Variants in TTN observed in about 807,000 individuals in gnomAD.
The protein encoded by TTN is connectin.
TTN carries 1,525 observed loss-of-function variants against 3,223.0 expected under a neutral mutation model. The observed-to-expected ratio is 0.47, with a 90% confidence interval of 0.45 to 0.49. TTN has a LOEUF of 0.49. TTN is among the 20% of genes least tolerant of loss of function. TTN has a pLI of 0.00. For missense variants in TTN, 40,786 were observed against 43,424.0 expected, an observed-to-expected ratio of 0.94 and a Z score of 5.40; for synonymous variants, 14,094 against 15,161.0, an observed-to-expected ratio of 0.93 and a Z score of 5.17.
At position 178,698,882 on chromosome 2, in the gene TTN, T is replaced by C. The variant is rs375398345; in HGVS notation, c.30715A>G (p.Lys10239Glu). 8 of 1,539,598 alleles carry C rather than the reference T, an allele frequency of 5.2e-6. No homozygotes were observed. The South Asian group carries it at 8.7e-5, about 17-fold the overall frequency. The change falls in exon 112 of 363, where the codon AAA becomes GAA. Residue 10239 changes from lysine (K) to glutamate (E), a missense_variant. Lys to Glu is a moderately conservative substitution (Grantham distance 56). Transcript: ENST00000589042. ...TKKAVKKDAK[K>E]VVAKPKEMTP... ...ATCTCTTTGGGCTTTGCAACAACTT[T>C]TTTGGCATCTTTCTTCACAGCCTTT...
rs1435352674 is a variant in TTN at position 178,575,774 on chromosome 2, G to A, written c.70358C>T (p.Thr23453Ile). The change falls in exon 326 of 363, where the codon ACC (threonine) becomes ATC (isoleucine). Residue 23453 changes from threonine to isoleucine, a missense_variant. Transcript: ENST00000589042. The surrounding 1 kb of genome is among the most constrained non-coding windows in gnomAD (Gnocchi z 4.0). The stretch of plus-strand genomic sequence containing the variant: ...TATCAGAGGGAGGTCCCAGTGCAGG[G>A]TGACACTGTCCTTTGTGATGTCTGT... ...RPTDITKDSV[T>I]LHWDLPLIDG... 6.2e-7 allele frequency: 1 copy of A among 1,613,404 alleles called. No homozygotes were observed. The highest frequency in any genetic ancestry group is 2.2e-5 in the East Asian group (1 of 44,802).
Position 178,800,622 on chromosome 2 carries a change from C to G in TTN, c.356G>C (p.Ser119Thr), listed in dbSNP as rs371981798. The G allele has an allele frequency of 2.5e-6, 4 of 1,612,460 alleles. No individual in the cohort carries two copies. Among genetic ancestry groups the G allele is most frequent in the African/African-American group, 2.7e-5 (2 of 74,900 alleles). ...CACTCTCACTTGGAGTCTCACTTGGCTTCCTTGTCTCACGGTCATGCTCTG... is the reference window on the plus strand; with the variant it reads ...CACTCTCACTTGGAGTCTCACTTGGGTTCCTTGTCTCACGGTCATGCTCTG... ...RLQSMTVRQG[S>T]QVRLQVRVTG... Residue 119 changes from serine to threonine, a missense_variant, in exon 4 of 363, where the codon AGC becomes ACC. Ser to Thr is a moderately conservative substitution (Grantham distance 58, BLOSUM62 1). Transcript: ENST00000589042.
In TTN at chr2:178,599,337, T is replaced by C. The variant is rs201337786; in HGVS notation, c.56456A>G (p.Asn18819Ser). Residue 18819 changes from asparagine (N) to serine (S), a missense_variant, in exon 290 of 363, where the codon AAC becomes AGC. Asn to Ser is a conservative substitution (Grantham distance 46, BLOSUM62 1). Transcript: ENST00000589042. ...PKDDGGSKIT[N>S]YVIEKREANR... The stretch of plus-strand genomic sequence containing the variant: ...AGCTTCTCTTTTCTCAATTACATAG[T>C]TTGTAATCTTAGACCCACCATCATC... 2.7e-5 allele frequency: 43 copies of C among 1,609,502 alleles called. No individual in the cohort carries two copies. The African/African-American group carries it at 4.7e-4, about 18-fold the overall frequency.
intron 13 of TTN, among the ~76,000 whole-genome samples, chr2:178,788,120 G>A (rs1320178001): frequency 2.6e-5 from 4 of 152,092 alleles, no homozygotes; most frequent in Non-Finnish European, 5.9e-5. Flanking sequence ...CGGATGAAAA[G>A]TTATGAGAGT....
At position 178,741,402 on chromosome 2, in the gene TTN, A is replaced by G; in HGVS notation, c.11831T>C (p.Leu3944Ser). The G allele has an allele frequency of 1.2e-6, 2 of 1,613,882 alleles. No homozygotes were observed. The highest frequency in any genetic ancestry group is 1.7e-6 in the Non-Finnish European group (2 of 1,179,824). ...GPCPPHFLKE[L>S]KPIRCAQGLP... ...CCCTTGAGCACAGCGAATTGGTTTTAACTCCTTAAGGAAGTGAGGAGGACA... is the reference window on the plus strand; with the variant it reads ...CCCTTGAGCACAGCGAATTGGTTTTGACTCCTTAAGGAAGTGAGGAGGACA... The change falls in exon 48 of 363, where the codon TTA (leucine) becomes TCA (serine). Residue 3944 changes from leucine to serine, a missense_variant. Leu to Ser is a moderately radical substitution (Grantham distance 145). Transcript: ENST00000589042.
At chr2:178,556,722 A>T in intron 330 of TTN, 126 bp downstream of exon 330, 1 of 1,139,898 alleles carries the variant, frequency 8.8e-7, no homozygotes, top group Non-Finnish European at 1.2e-6. Context: ...GCTAGTCCAT[A>T]ATTTCTTCCA....
In TTN at chr2:178,578,724, A is replaced by T. The variant is rs780964424; in HGVS notation, c.68225-9T>A. On this transcript the variant is annotated splice_polypyrimidine_tract_variant and intron_variant, in intron 320 of 362. Transcript: ENST00000589042. ...GGGAGCATCAGGCACATCTAGAAAAAAGTAGATAATGCAAGATTTATAATA... is the reference window on the plus strand; with the variant it reads ...GGGAGCATCAGGCACATCTAGAAAATAGTAGATAATGCAAGATTTATAATA... 1.0e-5 allele frequency: 16 copies of T among 1,607,252 alleles called. No homozygotes were observed. The highest frequency in any genetic ancestry group is 1.4e-5 in the Non-Finnish European group (16 of 1,178,008).
intron 17 of TTN, 45 bp from the exon 18 acceptor site, chr2:178,783,109 A>G (rs769291184): frequency 2.7e-5 from 44 of 1,601,330 alleles, no homozygotes; most frequent in Non-Finnish European, 3.7e-5. Context: ...GTGCATATTC[A>G]TTAATCACTT....
chr2:178,688,214 C>T lies in TTN; in HGVS notation c.32208G>A (p.Glu10736=). Residue 10736 remains glutamate, a synonymous_variant, in exon 127 of 363, where the codon GAG becomes GAA. Transcript: ENST00000589042. Reference sequence around the variant, plus strand: ...CCTCTTCTGAGTAACTCCATTCCTCCTCTGCAGATACTTTAAAAGATAAGG... The same window carrying T: ...CCTCTTCTGAGTAACTCCATTCCTCTTCTGCAGATACTTTAAAAGATAAGG... ...VEVTRHEVSA[E]EEWSYSEEEE... 1 of 1,612,430 alleles carries T rather than the reference C, an allele frequency of 6.2e-7. No homozygotes were observed. Among genetic ancestry groups the T allele is most frequent in the South Asian group, 1.1e-5 (1 of 91,070 alleles).
intron 49 of TTN, 136 bp downstream of exon 49, chr2:178,737,946 C>T: frequency 9.2e-7 from 1 of 1,084,858 alleles, no homozygotes; most frequent in African/African-American, 1.6e-5. Flanking sequence ...TCTGCAGTAC[C>T]TACCTACCAT....
chr2:178,774,523 T>A (rs1385156065), intron 29 of TTN, 50 bp from the exon 30 acceptor site: 1 of 1,570,796 alleles, frequency 6.4e-7, no homozygotes, highest in East Asian at 2.3e-5. Context: ...GAGGTATGCA[T>A]CTAGACTTAG....
Position 178,685,044 on chromosome 2 carries a change from A to C in TTN, c.32471-55T>G, listed in dbSNP as rs986662980. The stretch of plus-strand genomic sequence containing the variant: ...GTTTGCCTTACATATGAAGTGACAC[A>C]GTTGTGGGGCTTAGCATTCACTTTT... On this transcript the variant is annotated intron_variant, in intron 129 of 362. Coordinates refer to ENST00000589042, the MANE Select transcript of TTN (RefSeq NM_001267550.2). 5.7e-6 allele frequency: 8 copies of C among 1,410,632 alleles called. No individual in the cohort carries two copies. In the Admixed American group the frequency reaches 7.8e-5, roughly 14 times the overall value. 87.4% of individuals were successfully genotyped at this position (1,410,632 alleles called of 1,614,324 possible). A position where few individuals can be genotyped will look rare whatever the true frequency, so the allele number is the denominator to read the frequency against.
At position 178,609,970 on chromosome 2, in the gene TTN, A is replaced by T; in HGVS notation, c.51453T>A (p.Pro17151=). ...TAGGATTATGAACCTCTACATCTAC[A>T]GGTGGATCAGGGGGTTCTGAAGAAC... ...AQDPKQPPDP[P]VDVEVHNPTA... is the part of the protein sequence containing the mutation. Residue 17151 remains proline, a synonymous_variant, in exon 272 of 363, where the codon CCT becomes CCA. Transcript: ENST00000589042. 1 of 1,611,858 alleles carries T rather than the reference A, an allele frequency of 6.2e-7. No individual in the cohort carries two copies. The highest frequency in any genetic ancestry group is 8.5e-7 in the Non-Finnish European group (1 of 1,178,890).
chr2:178,630,766 G>A, intron 238 of TTN, 38 bp downstream of exon 238: 3 of 1,580,768 alleles, frequency 1.9e-6, no homozygotes, highest in South Asian at 1.2e-5. Context: ...AATTCACACA[G>A]CTCCTTTAGG....
chr2:178,642,311 C>T lies in TTN; in HGVS notation c.40484G>A (p.Gly13495Glu). The change falls in exon 219 of 363, where the codon GGA becomes GAA. Residue 13495 changes from glycine to glutamate, a missense_variant. By Grantham distance (98) the Gly-to-Glu change is moderately conservative (BLOSUM62 -2). Transcript: ENST00000589042. ...KVELTPLKVP[G>E]GEKKVRKLLP... ...TAATTTGCGAACTTTCTTTTCACCT[C>T]CAGGCACTTAAAAGAATATGATTTC... The T allele has an allele frequency of 6.3e-7, 1 of 1,586,214 alleles. No homozygotes were observed. The highest frequency in any genetic ancestry group is 1.2e-5 in the South Asian group (1 of 86,128).
intron 42 of TTN, 27 bp from the exon 43 acceptor site, chr2:178,764,329 C>G: frequency 6.2e-7 from 1 of 1,613,290 alleles, no homozygotes; most frequent in East Asian, 2.2e-5. Flanking sequence ...CAAGATTTGT[C>G]ATGATTAAGT....
At position 178,785,929 on chromosome 2, in the gene TTN, T is replaced by G. The variant is rs1574818693; in HGVS notation, c.2289A>C (p.Ala763=). The G allele has an allele frequency of 6.2e-7, 1 of 1,614,120 alleles. No individual in the cohort carries two copies. Among genetic ancestry groups the G allele is most frequent in the African/African-American group, 1.3e-5 (1 of 75,042 alleles). Residue 763 remains alanine, a synonymous_variant, in exon 14 of 363, where the codon GCA becomes GCC. Transcript: ENST00000589042. ...PASEPHVVPK[A]VKPRVIQAPS... The stretch of plus-strand genomic sequence containing the variant: ...GAGCCTGGATTACTCTAGGCTTGAC[T>G]GCTTTAGGGACAACGTGGGGTTCTG...
chr2:178,546,936 A>T, intron 340 of TTN, 31 bp from the exon 341 acceptor site: 1 of 1,576,108 alleles, frequency 6.3e-7, no homozygotes, highest in Non-Finnish European at 8.6e-7. Flanking sequence ...AGGTTAAAAT[A>T]TACCACTCTG....
At position 178,795,150 on chromosome 2, in the gene TTN, A is replaced by T. The variant is rs1296011831; in HGVS notation, c.1017T>A (p.Pro339=). The part of the protein sequence containing the change: ...KTQASTVATG[P]EVPPPWKQEG... Reference sequence around the variant, plus strand: ...CTTGCTTCCAAGGGGGAGGCACTTCAGGACCTGTGGCCACGGTGGATGCCT... The same window carrying T: ...CTTGCTTCCAAGGGGGAGGCACTTCTGGACCTGTGGCCACGGTGGATGCCT... The change falls in exon 7 of 363, where the codon CCT becomes CCA. Residue 339 remains proline, a synonymous_variant. Transcript: ENST00000589042. 2.5e-6 allele frequency: 4 copies of T among 1,614,048 alleles called. No individual in the cohort carries two copies. In the East Asian group the frequency reaches 8.9e-5, roughly 36 times the overall value.
Sources: allele counts gnomAD v4.1 joint callset (sites outside exome capture counted in the v4.1 genomes callset), GRCh38; gene constraint gnomAD v4.1.1; non-coding constraint Gnocchi (gnomAD v3.1); transcripts MANE v1.5; gene names NCBI Gene and HGNC (gene_info 2026-07-23, HGNC 2026-07-21).